The following JAK1 variants were observed in gnomAD, a reference collection of about 807,000 sequenced individuals.
JAK1 encodes Janus kinase 1, also known as tyrosine-protein kinase JAK1.
In JAK1, 16 loss-of-function variants were observed where a neutral mutation model predicts 136.6. That is an observed-to-expected ratio of 0.12 (90% CI 0.08 to 0.18). JAK1 has a LOEUF of 0.18. JAK1 is among the 10% of genes least tolerant of loss of function. JAK1 has a pLI of 1.00. For synonymous variants in JAK1, 492 were observed against 519.5 expected, an observed-to-expected ratio of 0.95 and a Z score of 0.72; for missense variants, 859 against 1,450.1, an observed-to-expected ratio of 0.59 and a Z score of 6.62.
intron 2 of JAK1, among the ~76,000 whole-genome samples, chr1:64,885,931 A>G (rs767158822): frequency 6.6e-6 from 1 of 152,236 alleles, no homozygotes; most frequent in Non-Finnish European, 1.5e-5. Flanking sequence ...CATAATATGG[A>G]TAGTATGATC....
chr1:64,870,103 G>A (rs553791812), intron 5 of JAK1, among the ~76,000 whole-genome samples: 1 of 152,300 alleles, frequency 6.6e-6, no homozygotes, highest in South Asian at 2.1e-4. Context: ...AACCAGCAGT[G>A]CCCAGCCCAG....
chr1:64,977,711 G>A (rs1415785664), intron 2 of JAK1, among the ~76,000 whole-genome samples: 2 of 152,036 alleles, frequency 1.3e-5, no homozygotes, highest in Non-Finnish European at 2.9e-5. Context: ...GATTACAGGC[G>A]TGAGCCACCG....
chr1:64,933,941 T>C (rs776337666), intron 1 of JAK1, among the ~76,000 whole-genome samples: 5 of 152,120 alleles, frequency 3.3e-5, no homozygotes, highest in Non-Finnish European at 7.3e-5. Flanking sequence ...ATATACTACA[T>C]AAATATGAGC....
At chr1:64,883,501 T>C (rs1380391143) in intron 2 of JAK1, 26 bp from the exon 3 acceptor site, 7 of 1,594,572 alleles carry the variant, frequency 4.4e-6, no homozygotes, top group Non-Finnish European at 5.2e-6. Context: ...AACAAGACTA[T>C]GTGGTCACTC....
At chr1:65,041,923 G>A (rs193067356) in intron 2 of JAK1, among the ~76,000 whole-genome samples, 2 of 152,064 alleles carry the variant, frequency 1.3e-5, no homozygotes, top group African/African-American at 2.4e-5. Flanking sequence ...GCCTATAATC[G>A]CAGCTACTAC....
At position 64,861,085 on chromosome 1, in the gene JAK1, G is replaced by A. The variant is rs752525533; in HGVS notation, c.1177-823C>T. On this transcript the variant is annotated intron_variant, in intron 8 of 24. Transcript: ENST00000342505. ...AGAGGAAGCCTGAATCAAGGTGGCA[G>A]AGGCACAAAAGTGGAGGTGGGAAGG... is the stretch of plus-strand genomic sequence containing the variant. Among the ~76,000 whole-genome samples the A allele has an allele frequency of 9.7e-4, 147 of 152,140 alleles. 1 individual carries two copies. Among genetic ancestry groups the A allele is most frequent in the Non-Finnish European group, 3.7e-4 (25 of 68,004 alleles).
chr1:64,861,477 T>C (rs879349536), intron 8 of JAK1, among the ~76,000 whole-genome samples: 3 of 152,112 alleles, frequency 2.0e-5, no homozygotes, highest in Non-Finnish European at 1.5e-5. Context: ...GACTGCCCAT[T>C]TGACAGGAAC....
chr1:64,994,004 A>G lies in JAK1; in HGVS notation c.-78+50476T>C, dbSNP rs150478829. Among the ~76,000 whole-genome samples, 1,406 of 152,216 alleles carry G rather than the reference A, an allele frequency of 9.2e-3. 34 individuals are homozygous for G. The highest frequency in any genetic ancestry group is 0.033 in the African/African-American group (1,356 of 41,528). On this transcript the variant is annotated intron_variant, in intron 2 of 25. Coordinates refer to the JAK1 transcript ENST00000671954. ...TGCCCAGACTGGAGTGCAGTGGTGTAATCACAGTTTACTACAGCCTCAACC... is the reference window on the plus strand; with the variant it reads ...TGCCCAGACTGGAGTGCAGTGGTGTGATCACAGTTTACTACAGCCTCAACC...
In JAK1 at chr1:65,015,137, A is replaced by G. The variant is rs142366370; in HGVS notation, c.-78+29343T>C. Among the ~76,000 whole-genome samples, 21 of 152,348 alleles carry G rather than the reference A, an allele frequency of 1.4e-4. 1 individual carries two copies. The East Asian group carries it at 3.9e-3, about 28-fold the overall frequency. On this transcript the variant is annotated intron_variant, in intron 2 of 25. Coordinates refer to the JAK1 transcript ENST00000671954. The stretch of plus-strand genomic sequence containing the variant: ...TCAGAAGGGTGTCATTCTGGAAGAA[A>G]GAATGAGATCCTAGATGGATGCTCT...
Position 64,839,934 on chromosome 1 carries a change from A to G in JAK1, c.2650-139T>C, listed in dbSNP as rs926375187. The G allele has an allele frequency of 1.7e-5, 11 of 649,202 alleles. No individual in the cohort carries two copies. The African/African-American group carries it at 2.0e-4, about 12-fold the overall frequency. The allele number at this position is 649,202 out of a possible 1,614,324, so 40.2% of individuals were successfully genotyped here. A position where few individuals can be genotyped will look rare whatever the true frequency, so the allele number is the denominator to read the frequency against. ...CTGGCCTTGCAGGCAGAAGCCTCTC[A>G]CCTGGACTGTACTTGCTCACTACAG... On this transcript the variant is annotated intron_variant, in intron 19 of 24. Transcript: ENST00000342505.
chr1:64,873,238 G>T (rs1657182003), intron 5 of JAK1, 132 bp downstream of exon 5: 4 of 985,102 alleles, frequency 4.1e-6, no homozygotes, highest in Non-Finnish European at 6.1e-6. Flanking sequence ...GTCCAGGTGT[G>T]GCAAGAACTT....
rs904037226 is a variant in JAK1, at chr1:64,966,477, G to C, written c.-222C>G. The C allele has an allele frequency of 5.3e-5, 8 of 150,968 alleles. No individual in the cohort carries two copies. Among genetic ancestry groups the C allele is most frequent in the Admixed American group, 2.0e-4 (3 of 15,166 alleles). 9.4% of individuals were successfully genotyped at this position (150,968 alleles called of 1,614,324 possible). A position where few individuals can be genotyped will look rare whatever the true frequency, so the allele number is the denominator to read the frequency against. On this transcript the variant is annotated 5_prime_UTR_variant, in exon 1 of 25. Coordinates refer to ENST00000342505, the MANE Select transcript of JAK1 (RefSeq NM_002227.4). Reference sequence around the variant, plus strand: ...GAGGGGTCGCGGCGAGGACAGCCGGGACTGGGCGCAGGCCCGCACTGTCTG... The same window carrying C: ...GAGGGGTCGCGGCGAGGACAGCCGGCACTGGGCGCAGGCCCGCACTGTCTG...
intron 1 of JAK1, among the ~76,000 whole-genome samples, chr1:64,924,532 C>T (rs1368297665): frequency 3.9e-5 from 6 of 152,194 alleles, no homozygotes; most frequent in Non-Finnish European, 7.3e-5. Flanking sequence ...CCCAGCTGTG[C>T]TCTGCTATGA....
At chr1:64,834,795 G>T (rs1557615009) in intron 24 of JAK1, 138 bp from the exon 25 acceptor site, 2 of 614,426 alleles carry the variant, frequency 3.3e-6, no homozygotes, top group African/African-American at 1.9e-5. Flanking sequence ...AAGAGTATTT[G>T]AATAGTTTAA....
intron 2 of JAK1, among the ~76,000 whole-genome samples, chr1:65,037,818 A>G (rs1299280016): frequency 6.6e-6 from 1 of 152,194 alleles, no homozygotes; most frequent in Non-Finnish European, 1.5e-5. Flanking sequence ...GTGAGCTGTG[A>G]TGACACCATT....
At chr1:64,858,292 A>G (rs1258619302) in intron 9 of JAK1, among the ~76,000 whole-genome samples, 1 of 152,236 alleles carries the variant, frequency 6.6e-6, no homozygotes, top group Non-Finnish European at 1.5e-5. Context: ...CCCCAGGACC[A>G]GTGAGTCCTG....
At chr1:65,056,171 G>C (rs550443813) in intron 1 of JAK1, among the ~76,000 whole-genome samples, 24 of 152,268 alleles carry the variant, frequency 1.6e-4, no homozygotes, top group African/African-American at 5.8e-4. Context: ...AAACTCCAAA[G>C]AATTTCAGGA....
chr1:65,026,110 T>C (rs1199426598), intron 2 of JAK1, among the ~76,000 whole-genome samples: 1 of 152,112 alleles, frequency 6.6e-6, no homozygotes, highest in Admixed American at 6.6e-5. Flanking sequence ...AAATCCTGGG[T>C]CATAACTTTG....
At chr1:64,973,186 A>AG (rs1646467114) in intron 2 of JAK1, 1 of 142,496 alleles carries the variant, frequency 7.0e-6, no homozygotes, top group Non-Finnish European at 1.5e-5. Context: ...AGAAAGAAAG[A>AG]AAAAGAAAGA....
Sources: allele counts gnomAD v4.1 joint callset (sites outside exome capture counted in the v4.1 genomes callset), GRCh38; gene constraint gnomAD v4.1.1; transcripts MANE v1.5; gene names NCBI Gene and HGNC (gene_info 2026-07-23, HGNC 2026-07-21).